Variants in LEMD3 observed in about 807,000 individuals in gnomAD.
LEMD3 encodes the protein LEM domain containing 3, also known as inner nuclear membrane protein Man1.
LEMD3 carries 33 observed loss-of-function variants against 95.2 expected under a neutral mutation model. That is an observed-to-expected ratio of 0.35 (90% CI 0.26 to 0.46). The LOEUF (loss-of-function observed/expected upper bound fraction) is 0.46. Ranked by LOEUF, LEMD3 falls within the 20% of genes least tolerant of loss-of-function variation. The pLI is 1.00. For missense variants in LEMD3, 1,210 were observed against 1,192.8 expected, an observed-to-expected ratio of 1.01 and a Z score of -0.21; for synonymous variants, 525 against 474.6, an observed-to-expected ratio of 1.11 and a Z score of -1.38.
At chr12:65,186,631 C>CTTTTTTTTTTTTT (rs36112519) in intron 1 of LEMD3, among the ~76,000 whole-genome samples, 1 of 80,220 alleles carries the variant, frequency 1.2e-5, no homozygotes, top group Admixed American at 1.2e-4. Flanking sequence ...GTTTAGATTG[C>CTTTTTTTTTTTTT]TTTTTTTTTT....
intron 1 of LEMD3, among the ~76,000 whole-genome samples, chr12:65,174,979 G>C (rs2136315878): frequency 6.6e-6 from 1 of 152,284 alleles, no homozygotes; most frequent in African/African-American, 2.4e-5. Context: ...ACTAGCCTTT[G>C]ATCAGGAGAA....
chr12:65,236,640 T>C (rs1422160159), intron 4 of LEMD3, among the ~76,000 whole-genome samples: 1 of 152,118 alleles, frequency 6.6e-6, no homozygotes, highest in Non-Finnish European at 1.5e-5. Context: ...TTTTTCACTG[T>C]GTTGTTTATG....
At chr12:65,219,605 T>C (rs928639493) in intron 4 of LEMD3, among the ~76,000 whole-genome samples, 1 of 152,210 alleles carries the variant, frequency 6.6e-6, no homozygotes, top group Non-Finnish European at 1.5e-5. Context: ...TTAACATATT[T>C]TTAAGTATAC....
chr12:65,234,081 T>A (rs1391518491), intron 4 of LEMD3, among the ~76,000 whole-genome samples: 2 of 152,216 alleles, frequency 1.3e-5, no homozygotes, highest in African/African-American at 4.8e-5. Context: ...CTGATTTTTG[T>A]CATCAGTTAT....
At chr12:65,193,522 C>T (rs1322516717) in intron 1 of LEMD3, among the ~76,000 whole-genome samples, 1 of 152,040 alleles carries the variant, frequency 6.6e-6, no homozygotes, top group Non-Finnish European at 1.5e-5. Context: ...GGTCATATAT[C>T]AGTTAAAATC....
At chr12:65,245,040 G>C (rs1442107993) in intron 10 of LEMD3, among the ~76,000 whole-genome samples, 14 of 151,912 alleles carry the variant, frequency 9.2e-5, no homozygotes, top group Admixed American at 3.9e-4. Flanking sequence ...AGAAATTACT[G>C]TAAGTACACA....
In LEMD3 at chr12:65,171,101, A is replaced by T; in HGVS notation, c.1505A>T (p.Glu502Val). Residue 502 changes from glutamate to valine, a missense_variant, in exon 1 of 13, where the codon GAG becomes GTG. Around this residue, in one of 2 missense-constraint regions of LEMD3, gnomAD observed 461 missense variants for 569.8 expected, o/e 0.81. Transcript: ENST00000308330. ...YLGMRGTGVS[E>V]DGELSIENPF... ...GGAATGAGAGGGACAGGAGTATCTG[A>T]GGATGGAGAACTCAGCAGTAAGTAT... The T allele has an allele frequency of 5.0e-6, 8 of 1,612,484 alleles. No individual in the cohort carries two copies. Among genetic ancestry groups the T allele is most frequent in the Non-Finnish European group, 6.8e-6 (8 of 1,180,016 alleles).
intron 1 of LEMD3, among the ~76,000 whole-genome samples, chr12:65,203,744 T>A (rs1300630444): frequency 2.6e-5 from 4 of 152,216 alleles, no homozygotes; most frequent in Admixed American, 2.0e-4. Flanking sequence ...GAAGTCTCTA[T>A]ATTAGTGGAT....
At chr12:65,241,530 T>C (rs955788352) in intron 9 of LEMD3, among the ~76,000 whole-genome samples, 5 of 152,072 alleles carry the variant, frequency 3.3e-5, no homozygotes, top group Non-Finnish European at 7.4e-5. Flanking sequence ...TTTCTATTTA[T>C]ATATTCCTCC....
intron 1 of LEMD3, among the ~76,000 whole-genome samples, chr12:65,205,302 G>A (rs889653368): frequency 1.3e-5 from 2 of 152,098 alleles, no homozygotes; most frequent in African/African-American, 4.8e-5. Context: ...TCTGATAACA[G>A]TTTTCTGCCC....
At chr12:65,190,414 A>G (rs981991865) in intron 1 of LEMD3, among the ~76,000 whole-genome samples, 1 of 152,098 alleles carries the variant, frequency 6.6e-6, no homozygotes, top group Non-Finnish European at 1.5e-5. Flanking sequence ...CTGATAGGAA[A>G]CATATACAGT....
At chr12:65,186,058 TAATC>T (rs1416361471) in intron 1 of LEMD3, among the ~76,000 whole-genome samples, 1 of 152,136 alleles carries the variant, frequency 6.6e-6, no homozygotes, top group Non-Finnish European at 1.5e-5. Flanking sequence ...GATAACTTAT[TAATC>T]TATCTAAGAT....
chr12:65,189,031 A>G (rs1478468407), intron 1 of LEMD3, among the ~76,000 whole-genome samples: 1 of 152,130 alleles, frequency 6.6e-6, no homozygotes, highest in Non-Finnish European at 1.5e-5. Context: ...TATATATACT[A>G]TGTTTTTCCT....
intron 2 of LEMD3, 69 bp from the exon 3 acceptor site, chr12:65,215,908 T>C (rs1870093156): frequency 1.6e-6 from 1 of 627,420 alleles, no homozygotes; most frequent in Non-Finnish European, 2.8e-6. Context: ...TTTTTTTTTT[T>C]GATTAAGAAT....
chr12:65,186,255 G>C (rs541725483), intron 1 of LEMD3, among the ~76,000 whole-genome samples: 1 of 151,722 alleles, frequency 6.6e-6, no homozygotes, highest in African/African-American at 2.4e-5. Context: ...GCTTTTTATT[G>C]TGAAGAGATA....
intron 1 of LEMD3, among the ~76,000 whole-genome samples, chr12:65,200,074 A>G (rs895898415): frequency 3.3e-5 from 5 of 150,860 alleles, no homozygotes; most frequent in African/African-American, 1.2e-4. Context: ...CACCTTCTGC[A>G]TTGCAGATGA....
At chr12:65,242,512 C>T (rs910114653) in intron 9 of LEMD3, among the ~76,000 whole-genome samples, 8 of 152,160 alleles carry the variant, frequency 5.3e-5, no homozygotes, top group Non-Finnish European at 1.0e-4. Flanking sequence ...TTCAGTGTTC[C>T]TAGTCTAGTT....
chr12:65,212,069 C>T (rs549198772), intron 2 of LEMD3, among the ~76,000 whole-genome samples: 16 of 152,198 alleles, frequency 1.1e-4, no homozygotes, highest in Middle Eastern at 3.4e-3. Context: ...CTGGGGAGGC[C>T]TCACAGTCGT....
chr12:65,224,543 G>A (rs1223172981), intron 4 of LEMD3, among the ~76,000 whole-genome samples: 5 of 151,804 alleles, frequency 3.3e-5, no homozygotes, highest in Non-Finnish European at 5.9e-5. Context: ...TTCTTGGTTG[G>A]CAGTTGTTTT....
Sources: allele counts gnomAD v4.1 joint callset (sites outside exome capture counted in the v4.1 genomes callset), GRCh38; gene constraint gnomAD v4.1.1; regional missense constraint gnomAD v4.1.1; transcripts MANE v1.5; gene names NCBI Gene and HGNC (gene_info 2026-07-23, HGNC 2026-07-21).